The following NLRP12 variants were observed in gnomAD, a reference collection of about 807,000 sequenced individuals.
NLRP12 encodes the protein NACHT, LRR and PYD domains-containing protein 12.
Under a neutral mutation model 91.2 loss-of-function variants are expected in NLRP12, and 108 were observed. The observed-to-expected ratio is 1.18, with a 90% CI of 1.01 to 1.39. The LOEUF (loss-of-function observed/expected upper bound fraction) is 1.39. Ranked by LOEUF, NLRP12 falls within the 40% of genes most tolerant of loss-of-function variation. The probability of loss-of-function intolerance (pLI) is 0.00; values close to 1 mark genes in which losing one functional copy is unlikely to be tolerated. For synonymous variants in NLRP12, 613 were observed against 566.7 expected, an observed-to-expected ratio of 1.08 and a Z score of -1.16; for missense variants, 1,530 against 1,352.7, an observed-to-expected ratio of 1.13 and a Z score of -2.06.
chr19:53,807,806 A>G (rs989258369), intron 3 of NLRP12, 141 bp from the exon 4 acceptor site: 131 of 913,088 alleles, frequency 1.4e-4, no homozygotes, highest in Non-Finnish European at 2.1e-4. Context: ...GCTGGAGTGC[A>G]ATGGCGCAAT....
At chr19:53,800,635 T>C (rs1467171154) in intron 7 of NLRP12, among the ~76,000 whole-genome samples, 1 of 149,932 alleles carries the variant, frequency 6.7e-6, no homozygotes, top group African/African-American at 2.5e-5. Flanking sequence ...CAGACTGGAG[T>C]GCAATGGCTC....
intron 4 of NLRP12, chr19:53,805,747 G>C (rs556106397): frequency 2.5e-6 from 1 of 399,280 alleles, no homozygotes; most frequent in East Asian, 6.1e-5. Context: ...TGAACTCCTG[G>C]GTCAAGTGAT....
Position 53,809,603 on chromosome 19 carries a change from T to G in NLRP12, c.2056A>C (p.Thr686Pro). 1 of 1,606,680 alleles carries G rather than the reference T, an allele frequency of 6.2e-7. No individual in the cohort carries two copies. The highest frequency in any genetic ancestry group is 2.2e-5 in the East Asian group (1 of 44,456). The change falls in exon 3 of 10, where the codon ACG becomes CCG. Residue 686 changes from threonine to proline, a missense_variant. By Grantham distance (38) the Thr-to-Pro change is conservative. Transcript: ENST00000324134. ...DRARCSAGAH[T>P]LLVQLPERTV... is the part of the protein sequence containing the mutation. Reference sequence around the variant, plus strand: ...GATACTTACAGCTGCACCAACAGCGTGTGCGCTCCTGCGGAGCACCTCGCG... The same window carrying G: ...GATACTTACAGCTGCACCAACAGCGGGTGCGCTCCTGCGGAGCACCTCGCG...
chr19:53,817,946 C>T (rs562965078), intron 1 of NLRP12, among the ~76,000 whole-genome samples: 1 of 151,108 alleles, frequency 6.6e-6, no homozygotes, highest in South Asian at 2.1e-4. Flanking sequence ...CCACGACCAG[C>T]TAATTTTTGT....
Position 53,793,999 on chromosome 19 carries a change from C to T in NLRP12, c.*50G>A, listed in dbSNP as rs1284676592. On this transcript the variant is annotated 3_prime_UTR_variant, in exon 10 of 10. Transcript: ENST00000324134. Reference sequence around the variant, plus strand: ...ATGCTGGGGGGGTGATGAGCACCCTCCCATCTTCCTCTGTCCAGATCTCAG... The same window carrying T: ...ATGCTGGGGGGGTGATGAGCACCCTTCCATCTTCCTCTGTCCAGATCTCAG... 7.8e-7 allele frequency: 1 copy of T among 1,288,652 alleles called. No individual in the cohort carries two copies. Among genetic ancestry groups the T allele is most frequent in the Non-Finnish European group, 1.1e-6 (1 of 883,068 alleles). 79.8% of individuals were successfully genotyped at this position (1,288,652 alleles called of 1,614,324 possible). A position where few individuals can be genotyped will look rare whatever the true frequency, so the allele number is the denominator to read the frequency against.
At chr19:53,805,823 A>C in intron 4 of NLRP12, 1 of 294,792 alleles carries the variant, frequency 3.4e-6, no homozygotes, top group Non-Finnish European at 6.6e-6. Context: ...TGGCCAATAT[A>C]TTTATTTCAA....
Position 53,819,599 on chromosome 19 carries a change from G to GTATATA in NLRP12, c.289+4286_289+4287insTATATA, listed in dbSNP as rs1568696366. 2.8e-4 allele frequency among the ~76,000 whole-genome samples: 11 copies of GTATATA among 39,410 alleles called. 3 individuals are homozygous for GTATATA. The highest frequency in any genetic ancestry group is 7.1e-4 in the African/African-American group (10 of 14,010). 25.9% of individuals were successfully genotyped at this position (39,410 alleles called of 152,430 possible). On this transcript the variant is annotated intron_variant, in intron 1 of 9. Coordinates refer to ENST00000324134, the MANE Select transcript of NLRP12 (RefSeq NM_144687.4). The stretch of plus-strand genomic sequence containing the variant: ...TATATATGTATGTATACGTATATAC[G>GTATATA]CATATATATGTATGTATACGTATAT...
In NLRP12 at chr19:53,795,960, G is replaced by T. The variant is rs749656368; in HGVS notation, c.2997C>A (p.Thr999=). ...TGTTGGTCAGGTAAAGGTCGGTCAA[G>T]GTCTGGTTGATCCCCAGGGTGAAGT... The part of the protein sequence containing the change: ...NLYFTLGINQ[T]LTDLYLTNNA... The change falls in exon 9 of 10, where the codon ACC becomes ACA. Residue 999 remains threonine, a synonymous_variant. Transcript: ENST00000324134. The T allele has an allele frequency of 6.2e-7, 1 of 1,614,146 alleles. No homozygotes were observed. The highest frequency in any genetic ancestry group is 2.2e-5 in the East Asian group (1 of 44,866).
intron 3 of NLRP12, chr19:53,807,991 C>G (rs1020115007): frequency 2.1e-4 from 78 of 366,726 alleles, no homozygotes; most frequent in Admixed American, 4.0e-4. Flanking sequence ...CTCAGGTGAT[C>G]TGCCCGCCTC....
At chr19:53,798,468 C>T (rs1011595565) in intron 7 of NLRP12, 55 bp from the exon 8 acceptor site, 4 of 1,561,134 alleles carry the variant, frequency 2.6e-6, no homozygotes, top group Non-Finnish European at 3.5e-6. Context: ...GCAAAATCTG[C>T]TGGGAGGGCC....
At position 53,794,846 on chromosome 19, in the gene NLRP12, G is replaced by A. The variant is rs1235917684; in HGVS notation, c.3099-710C>T. Among the ~76,000 whole-genome samples, 5 of 151,650 alleles carry A rather than the reference G, an allele frequency of 3.3e-5. No individual in the cohort carries two copies. The Admixed American group carries it at 3.3e-4, about 10-fold the overall frequency. ...CATGCCTGGCTAATTTTTGCATAGA[G>A]CCACCCGCTCCCAGCCGTAAGTTTT... On this transcript the variant is annotated intron_variant, in intron 9 of 9. Transcript: ENST00000324134.
At chr19:53,819,624 T>TATATACAC (rs1436214653) in intron 1 of NLRP12, among the ~76,000 whole-genome samples, 2 of 53,412 alleles carry the variant, frequency 3.7e-5, no homozygotes, top group African/African-American at 9.3e-5. Flanking sequence ...TATACGTATA[T>TATATACAC]ACGCGTATAT....
rs761868541 is a variant in NLRP12 at position 53,824,168 on chromosome 19, G to A, written c.7C>T (p.Arg3Ter). Residue 3 changes from arginine to a stop codon, truncating the protein, a stop_gained, in exon 1 of 10, where the codon CGA becomes TGA. Coordinates refer to ENST00000324134, the MANE Select transcript of NLRP12 (RefSeq NM_144687.4). LOFTEE classifies it high-confidence loss of function. ...CAGAGGCCGTCCCTGCCTGCGGTTC[G>A]TAGCATGGGGGTGCCGTGAGCCCCA... is the stretch of plus-strand genomic sequence containing the variant. ML[R>*]TAGRDGLCRL... 4.8e-5 allele frequency: 77 copies of A among 1,613,800 alleles called. No homozygotes were observed. Among genetic ancestry groups the A allele is most frequent in the South Asian group, 8.8e-5 (8 of 91,086 alleles).
chr19:53,824,292 G>T lies in NLRP12; in HGVS notation c.-118C>A. The T allele has an allele frequency of 9.3e-7, 1 of 1,076,772 alleles. No individual in the cohort carries two copies. The highest frequency in any genetic ancestry group is 1.4e-6 in the Non-Finnish European group (1 of 722,556). The allele number at this position is 1,076,772 out of a possible 1,614,324, so 66.7% of individuals were successfully genotyped here. A position where few individuals can be genotyped will look rare whatever the true frequency, so the allele number is the denominator to read the frequency against. The stretch of plus-strand genomic sequence containing the variant: ...TCATTCACAGGCAGCGGGCGGAGAG[G>T]CTGAGCCAGTGGTTGGAGGAGAGAG... On this transcript the variant is annotated 5_prime_UTR_variant, in exon 1 of 10. Transcript: ENST00000324134.
At chr19:53,807,102 G>T (rs535020540) in intron 4 of NLRP12, among the ~76,000 whole-genome samples, 2 of 151,046 alleles carry the variant, frequency 1.3e-5, no homozygotes, top group Non-Finnish European at 2.9e-5. Flanking sequence ...GAGTCTCACC[G>T]TATCACCCAG....
At chr19:53,801,163 C>G in intron 7 of NLRP12, 64 bp downstream of exon 7, 1 of 1,497,344 alleles carries the variant, frequency 6.7e-7, no homozygotes, top group South Asian at 1.1e-5. Context: ...CCTCCGTGGT[C>G]CCAGGTGAGA....
intron 1 of NLRP12, among the ~76,000 whole-genome samples, chr19:53,819,646 CGT>C (rs561529444): frequency 2.8e-5 from 3 of 107,170 alleles, no homozygotes; most frequent in Admixed American, 9.7e-5. Flanking sequence ...TGTATGTATA[CGT>C]ATATATATAC....
intron 4 of NLRP12, among the ~76,000 whole-genome samples, chr19:53,807,252 G>A (rs561415973): frequency 9.0e-4 from 137 of 152,274 alleles, no homozygotes; most frequent in African/African-American, 3.3e-3. Flanking sequence ...ATTTTTTGTA[G>A]AGATGGCATT....
Position 53,807,478 on chromosome 19 carries a change from GACCA to G in NLRP12, c.2243+13_2243+16del, listed in dbSNP as rs772300167. The stretch of plus-strand genomic sequence containing the variant: ...CGGTGGGGACCACCTGAAACGCCCA[GACCA>G]GCCTGCACTCACCTCAGGTTCTGAA... On this transcript the variant is annotated intron_variant, in intron 4 of 9. Coordinates refer to ENST00000324134, the MANE Select transcript of NLRP12 (RefSeq NM_144687.4). 6.2e-7 allele frequency: 1 copy of G among 1,611,848 alleles called. No individual in the cohort carries two copies. The highest frequency in any genetic ancestry group is 1.1e-5 in the South Asian group (1 of 90,696).
Sources: allele counts gnomAD v4.1 joint callset (sites outside exome capture counted in the v4.1 genomes callset), GRCh38; gene constraint gnomAD v4.1.1; transcripts MANE v1.5; gene names NCBI Gene and HGNC (gene_info 2026-07-23, HGNC 2026-07-21).